PLCB2: variants seen among roughly 807,000 people sequenced by gnomAD.
The protein encoded by PLCB2 is phospholipase C beta 2.
A neutral mutation model predicts 141.7 loss-of-function variants in PLCB2; 115 were observed. The ratio of observed to expected loss-of-function variants is 0.81; its 90% CI spans 0.70 to 0.95. The LOEUF is 0.95. PLCB2 is among the 40% of genes least tolerant of loss of function. The probability of loss-of-function intolerance (pLI) is 0.00; values close to 1 mark genes in which losing one functional copy is unlikely to be tolerated. For missense variants in PLCB2, 1,403 were observed against 1,541.1 expected, an observed-to-expected ratio of 0.91 and a Z score of 1.50; for synonymous variants, 603 against 595.6, an observed-to-expected ratio of 1.01 and a Z score of -0.18.
intron 19 of PLCB2, 79 bp downstream of exon 19, chr15:40,294,187 G>A (rs1595649939): frequency 2.1e-6 from 3 of 1,417,118 alleles, no homozygotes. Flanking sequence ...GGGGTTGCGA[G>A]TTGAGTGAGG....
In PLCB2 at chr15:40,296,727, A is replaced by G; in HGVS notation, c.1486+19T>C. 1 of 1,610,710 alleles carries G rather than the reference A, an allele frequency of 6.2e-7. No individual in the cohort carries two copies. Among genetic ancestry groups the G allele is most frequent in the Non-Finnish European group, 8.5e-7 (1 of 1,177,904 alleles). Reference sequence around the variant, plus strand: ...CCAGATGCTCCTAATACCCCCCACCATAGTCCTCCCCGACTCACCTGTGCC... The same window carrying G: ...CCAGATGCTCCTAATACCCCCCACCGTAGTCCTCCCCGACTCACCTGTGCC... On this transcript the variant is annotated intron_variant, in intron 14 of 31. Transcript: ENST00000260402.
intron 4 of PLCB2, 50 bp from the exon 5 acceptor site, chr15:40,302,399 G>C: frequency 6.2e-7 from 1 of 1,612,484 alleles, no homozygotes; most frequent in South Asian, 1.1e-5. Context: ...CCCCCGCCCA[G>C]GCCTGTGTCT....
Position 40,293,576 on chromosome 15 carries a change from G to C in PLCB2, c.2210C>G (p.Pro737Arg), listed in dbSNP as rs772704040. The change falls in exon 20 of 32, where the codon CCC becomes CGC. Residue 737 changes from proline to arginine, a missense_variant. Physicochemically the swap from Pro to Arg is moderately radical, Grantham distance 103. Transcript: ENST00000260402. ...NSINPVWKEE[P>R]FVFEKILMPE... ...GGCCCCCACCTTCTCAAAGACAAAG[G>C]GCTCCTCCTTCCAGACAGGATTGAT... The C allele has an allele frequency of 1.2e-6, 2 of 1,613,828 alleles. No homozygotes were observed. The highest frequency in any genetic ancestry group is 1.7e-6 in the Non-Finnish European group (2 of 1,179,756).
At position 40,291,413 on chromosome 15, in the gene PLCB2, CCTT is replaced by C. The variant is rs1363175685; in HGVS notation, c.2719_2721del (p.Lys907del). 2.0e-6 allele frequency: 3 copies of C among 1,537,726 alleles called. No individual in the cohort carries two copies. Among genetic ancestry groups the C allele is most frequent in the East Asian group, 4.9e-5 (2 of 40,926 alleles). ...CCGCGCCGCTCCAACTCTCGCAGCT[CCTT>C]CTCGTGCCGCCGCTGCAGCTTCACC... On this transcript the variant is annotated inframe_deletion, in exon 26 of 32. Coordinates refer to ENST00000260402, the MANE Select transcript of PLCB2 (RefSeq NM_004573.3).
In PLCB2 at chr15:40,290,797, G is replaced by T; in HGVS notation, c.3077C>A (p.Ala1026Glu). 6.2e-7 allele frequency: 1 copy of T among 1,613,642 alleles called. No homozygotes were observed. The change falls in exon 28 of 32, where the codon GCG becomes GAG. Residue 1026 changes from alanine to glutamate, a missense_variant. Ala to Glu is a moderately radical substitution (Grantham distance 107). Coordinates refer to ENST00000260402, the MANE Select transcript of PLCB2 (RefSeq NM_004573.3). ...CTCCTTCAGGGCCTTCAGCTCTGCC[G>T]CCTGTTTCTCTCTGGCCAGCTCCAT... The part of the protein sequence containing the change: ...KMMELAREKQ[A>E]AELKALKETS...
chr15:40,293,613 T>TTA lies in PLCB2; in HGVS notation c.2172_2173insTA (p.Ser725Ter). 1 of 1,614,132 alleles carries TTA rather than the reference T, an allele frequency of 6.2e-7. No homozygotes were observed. Among genetic ancestry groups the TTA allele is most frequent in the Non-Finnish European group, 8.5e-7 (1 of 1,180,002 alleles). On this transcript the variant is annotated frameshift_variant, in exon 20 of 32. Coordinates refer to ENST00000260402, the MANE Select transcript of PLCB2 (RefSeq NM_004573.3). LOFTEE classifies it high-confidence loss of function. The stretch of plus-strand genomic sequence containing the variant: ...CAGACAGGATTGATGGAGTTAGTAC[T>TTA]GGGTGACAGCTTAGTTCGATAGCGC...
chr15:40,291,988 G>A, intron 23 of PLCB2, 64 bp from the exon 24 acceptor site: 1 of 1,603,794 alleles, frequency 6.2e-7, no homozygotes. Flanking sequence ...CCTGGGACTC[G>A]GCCCTCTCCC....
At chr15:40,302,784 T>C (rs1233926906) in intron 3 of PLCB2, among the ~76,000 whole-genome samples, 175 bp from the exon 4 acceptor site, 1 of 152,124 alleles carries the variant, frequency 6.6e-6, no homozygotes, top group African/African-American at 2.4e-5. Context: ...GCGGCTGGGA[T>C]GGGAAGGAGA....
chr15:40,290,454 G>A (rs977196692), intron 29 of PLCB2, 123 bp downstream of exon 29: 2 of 767,820 alleles, frequency 2.6e-6, no homozygotes, highest in Non-Finnish European at 4.5e-6. Context: ...GGGGGGATCC[G>A]CTTTTTGGAG....
chr15:40,302,234 C>T lies in PLCB2; in HGVS notation c.452+36G>A, dbSNP rs778669681. On this transcript the variant is annotated intron_variant, in intron 5 of 31. Transcript: ENST00000260402. Reference sequence around the variant, plus strand: ...CGTCAAGGCCCAGGGCTGGCATGCTCAGCACCAGGGCTCAGGCCAGGCAGA... The same window carrying T: ...CGTCAAGGCCCAGGGCTGGCATGCTTAGCACCAGGGCTCAGGCCAGGCAGA... 5 of 1,613,946 alleles carry T rather than the reference C, an allele frequency of 3.1e-6. No homozygotes were observed. In the East Asian group the frequency reaches 1.1e-4, roughly 36 times the overall value.
At chr15:40,292,870 C>T (rs1222311397) in intron 21 of PLCB2, 56 bp downstream of exon 21, 1 of 1,187,344 alleles carries the variant, frequency 8.4e-7, no homozygotes. Flanking sequence ...GCTGCCCCAC[C>T]CTGTGCACAG....
At chr15:40,291,546 A>G (rs1196381580) in intron 25 of PLCB2, 59 bp from the exon 26 acceptor site, 1 of 1,608,380 alleles carries the variant, frequency 6.2e-7, no homozygotes, top group Admixed American at 1.7e-5. Flanking sequence ...TCCAACCCCC[A>G]AGGAGCCCCG....
At chr15:40,293,967 G>A (rs1431851821) in intron 19 of PLCB2, among the ~76,000 whole-genome samples, 3 of 152,202 alleles carry the variant, frequency 2.0e-5, no homozygotes, top group African/African-American at 7.2e-5. Flanking sequence ...CCTAGCCAAA[G>A]AGGGAACAAT....
rs753937697 is a variant in PLCB2 at position 40,292,094 on chromosome 15, C to T, written c.2496G>A (p.Lys832=). Residue 832 remains lysine, a synonymous_variant, in exon 23 of 32, where the codon AAG becomes AAA. Transcript: ENST00000260402. Reference sequence around the variant, plus strand: ...GCAGACCTCCCATGGCCTCCTTGAGCTTCACAGACTTCGTGTCATGGGCAC... The same window carrying T: ...GCAGACCTCCCATGGCCTCCTTGAGTTTCACAGACTTCGTGTCATGGGCAC... ...FFSAHDTKSV[K]LKEAMGGLPE... 1.1e-5 allele frequency: 17 copies of T among 1,614,100 alleles called. No homozygotes were observed. The South Asian group carries it at 1.3e-4, about 13-fold the overall frequency.
Position 40,302,258 on chromosome 15 carries a change from G to A in PLCB2, c.452+12C>T, listed in dbSNP as rs373034498. On this transcript the variant is annotated intron_variant, in intron 5 of 31. Transcript: ENST00000260402. ...TCAGCACCAGGGCTCAGGCCAGGCA[G>A]AGGGCACTTACATCTTGTCCAGGAA... 6.2e-6 allele frequency: 10 copies of A among 1,614,182 alleles called. No individual in the cohort carries two copies. Among genetic ancestry groups the A allele is most frequent in the Non-Finnish European group, 8.5e-6 (10 of 1,179,994 alleles).
At chr15:40,304,205 CT>C in intron 1 of PLCB2, 127 bp from the exon 2 acceptor site, 1 of 654,356 alleles carries the variant, frequency 1.5e-6, no homozygotes, top group Non-Finnish European at 2.7e-6. Flanking sequence ...AAGGCATTTC[CT>C]TTTGTTGTCT....
rs77734634 is a variant in PLCB2, at chr15:40,296,820, G to A, written c.1412C>T (p.Thr471Ile). The change falls in exon 14 of 32, where the codon ACC (threonine) becomes ATC (isoleucine). Residue 471 changes from threonine (T) to isoleucine (I), a missense_variant. Physicochemically the swap from Thr to Ile is moderately conservative, Grantham distance 89. Around this residue, in one of 4 missense-constraint regions of PLCB2, gnomAD observed 975 missense variants for 1,141.1 expected, o/e 0.85. Coordinates refer to ENST00000260402, the MANE Select transcript of PLCB2 (RefSeq NM_004573.3). The part of the protein sequence containing the change: ...KNKKNQFSGP[T>I]SSSKDTGGEA... ...CCCACCAGTATCCTTACTGGAGGAGGTGGGGCCAGAAAACTGGTTCTTCTT... is the reference window on the plus strand; with the variant it reads ...CCCACCAGTATCCTTACTGGAGGAGATGGGGCCAGAAAACTGGTTCTTCTT... 558 of 1,614,108 alleles carry A rather than the reference G, an allele frequency of 3.5e-4. 2 individuals carry two copies. The African/African-American group carries it at 7.0e-3, about 20-fold the overall frequency.
rs771120571 is a variant in PLCB2, at chr15:40,296,894, G to A, written c.1338C>T (p.Val446=). 6.2e-7 allele frequency: 1 copy of A among 1,613,964 alleles called. No individual in the cohort carries two copies. ...TGAGATCCTCAGGGCTGGGCAGGGG[G>A]ACACCTGGTTTTAGCTATGGAGTGG... ...PLEKFPLKPG[V]PLPSPEDLRG... The change falls in exon 14 of 32, where the codon GTC becomes GTT. Residue 446 remains valine (V), a synonymous_variant. Transcript: ENST00000260402.
At chr15:40,284,563 C>T (rs1199546920), downstream of PLCB2, 1 of 454,278 alleles carries the variant, frequency 2.2e-6, no homozygotes, top group Non-Finnish European at 4.4e-6. Flanking sequence ...AATCCCAGGC[C>T]GGGTGCAGTG....
Sources: allele counts gnomAD v4.1 joint callset (sites outside exome capture counted in the v4.1 genomes callset), GRCh38; gene constraint gnomAD v4.1.1; regional missense constraint gnomAD v4.1.1; transcripts MANE v1.5; gene names NCBI Gene and HGNC (gene_info 2026-07-23, HGNC 2026-07-21).